PRDM16: variants seen among roughly 807,000 people sequenced by gnomAD.
The protein encoded by PRDM16 is histone-lysine N-methyltransferase PRDM16.
PRDM16 carries 23 observed loss-of-function variants against 110.6 expected under a neutral mutation model. The ratio of observed to expected loss-of-function variants is 0.21; its 90% CI spans 0.15 to 0.29. The LOEUF (loss-of-function observed/expected upper bound fraction) is 0.29. PRDM16 is among the 10% of genes least tolerant of loss of function. PRDM16 has a pLI of 1.00. For missense variants in PRDM16, 1,615 were observed against 1,794.3 expected (o/e 0.90, Z 1.81); for synonymous variants, 799 against 781.8 (o/e 1.02, Z -0.37).
rs188020429 is a variant in PRDM16, at chr1:3,401,325, G to A, written c.677-1466G>A. ...TCTGCCCCCATCCCCCCGTCTCCGC[G>A]GCAATCCTTAGGTTCAGGCCTTTGA... On this transcript the variant is annotated intron_variant, in intron 5 of 16. Transcript: ENST00000270722. Among the ~76,000 whole-genome samples the A allele has an allele frequency of 2.8e-3, 419 of 152,272 alleles. 4 individuals are homozygous for A. The highest frequency in any genetic ancestry group is 2.1e-3 in the Non-Finnish European group (144 of 68,024).
chr1:3,130,321 G>A (rs367805902), intron 1 of PRDM16, among the ~76,000 whole-genome samples: 2 of 152,202 alleles, frequency 1.3e-5, no homozygotes, highest in Admixed American at 1.3e-4. Context: ...TGGTCTAAGC[G>A]CACCACTGTG....
intron 1 of PRDM16, among the ~76,000 whole-genome samples, chr1:3,123,036 C>G (rs1389988304): frequency 6.6e-6 from 1 of 152,152 alleles, no homozygotes; most frequent in Non-Finnish European, 1.5e-5. Flanking sequence ...CTTGATTTCA[C>G]CAGGTCCTGG....
chr1:3,320,612 A>G (rs1307534505), intron 3 of PRDM16, among the ~76,000 whole-genome samples: 1 of 152,208 alleles, frequency 6.6e-6, no homozygotes, highest in African/African-American at 2.4e-5. Flanking sequence ...GGAATCAACA[A>G]TGTGGACCTG....
Position 3,069,548 on chromosome 1 carries a change from C to T in PRDM16, c.37+252C>T, listed in dbSNP as rs1641693555. On this transcript the variant is annotated intron_variant, in intron 1 of 16. Coordinates refer to ENST00000270722, the MANE Select transcript of PRDM16 (RefSeq NM_022114.4). The surrounding 1 kb of genome is among the most constrained non-coding windows in gnomAD (Gnocchi z 6.1). Reference sequence around the variant, plus strand: ...CCCCCTCCCCGCGGAACCCCCTCCCCCCCCACCAGTGTCAGGCGCTCGGGC... The same window carrying T: ...CCCCCTCCCCGCGGAACCCCCTCCCTCCCCACCAGTGTCAGGCGCTCGGGC... Among the ~76,000 whole-genome samples the T allele has an allele frequency of 1.3e-5, 2 of 149,164 alleles. No homozygotes were observed. Among genetic ancestry groups the T allele is most frequent in the African/African-American group, 4.9e-5 (2 of 41,094 alleles).
chr1:3,286,211 G>A (rs1034062015), intron 3 of PRDM16, among the ~76,000 whole-genome samples: 3 of 152,216 alleles, frequency 2.0e-5, no homozygotes, highest in Non-Finnish European at 4.4e-5. Flanking sequence ...CCCAGTAATT[G>A]AATCAAGTTG....
In PRDM16 at chr1:3,425,762, G is replaced by A. The variant is rs200643126; in HGVS notation, c.3109+12G>A. 9.8e-5 allele frequency: 158 copies of A among 1,612,954 alleles called. No homozygotes were observed. The highest frequency in any genetic ancestry group is 6.7e-5 in the African/African-American group (5 of 75,032). ...CGAGAACGCACCAGGTGGGCCACGC[G>A]GGGTGGGGCAGCCCCCAGAGCACCC... On this transcript the variant is annotated intron_variant, in intron 13 of 16. Transcript: ENST00000270722. This position sits in a 1 kb window ranked among gnomAD's most constrained non-coding sequence, Gnocchi z 6.9.
intron 1 of PRDM16, among the ~76,000 whole-genome samples, chr1:3,147,099 T>G (rs1247547954): frequency 1.5e-5 from 2 of 137,874 alleles, no homozygotes; most frequent in Admixed American, 7.2e-5. Context: ...CGGTGTGGGG[T>G]GTGTGTACGC....
At chr1:3,131,039 T>C (rs1263809142) in intron 1 of PRDM16, among the ~76,000 whole-genome samples, 2 of 152,096 alleles carry the variant, frequency 1.3e-5, no homozygotes, top group Non-Finnish European at 2.9e-5. Context: ...TTGAACCGGG[T>C]CCTGCAGGGA....
chr1:3,281,073 C>T (rs944449272), intron 3 of PRDM16, among the ~76,000 whole-genome samples: 3 of 152,244 alleles, frequency 2.0e-5, no homozygotes, highest in East Asian at 3.9e-4. Context: ...CCTGTCCAGC[C>T]TCAGCCCACT....
At position 3,069,277 on chromosome 1, in the gene PRDM16, G is replaced by A. The variant is rs781494426; in HGVS notation, c.18G>A (p.Arg6=). 4 of 1,559,766 alleles carry A rather than the reference G, an allele frequency of 2.6e-6. No individual in the cohort carries two copies. The highest frequency in any genetic ancestry group is 2.3e-5 in the South Asian group (2 of 86,000). The change falls in exon 1 of 17, where the codon AGG becomes AGA. Residue 6 remains arginine, a synonymous_variant. Coordinates refer to ENST00000270722, the MANE Select transcript of PRDM16 (RefSeq NM_022114.4). This position sits in a 1 kb window ranked among gnomAD's most constrained non-coding sequence, Gnocchi z 6.1. MRSKA[R]ARKLAKSDGD... is the part of the protein sequence containing the mutation. The stretch of plus-strand genomic sequence containing the variant: ...CCGACACCATGCGATCCAAGGCGAG[G>A]GCGAGGAAGCTAGCCAAAAGTAAGT...
In PRDM16 at chr1:3,411,296, G is replaced by A. The variant is rs1454445202; in HGVS notation, c.1187-88G>A. The A allele has an allele frequency of 3.5e-6, 5 of 1,435,644 alleles. No individual in the cohort carries two copies. The East Asian group carries it at 7.0e-5, about 20-fold the overall frequency. 88.9% of individuals were successfully genotyped at this position (1,435,644 alleles called of 1,614,324 possible). On this transcript the variant is annotated intron_variant, in intron 8 of 16. Coordinates refer to ENST00000270722, the MANE Select transcript of PRDM16 (RefSeq NM_022114.4). ...CCCCAGCCTCGCCCCTCCAGCGGCT[G>A]GCTTTCCCAGTAATTTCATGTGGCG...
intron 3 of PRDM16, among the ~76,000 whole-genome samples, chr1:3,289,012 A>C (rs1489765598): frequency 6.6e-6 from 1 of 152,168 alleles, no homozygotes; most frequent in Non-Finnish European, 1.5e-5. Flanking sequence ...GCCTAGGGGC[A>C]GGGGAACTTG....
intron 14 of PRDM16, among the ~76,000 whole-genome samples, chr1:3,426,964 A>G (rs1252030515): frequency 9.6e-6 from 1 of 103,866 alleles, no homozygotes; most frequent in Non-Finnish European, 2.2e-5. Flanking sequence ...ATGTGCGTGC[A>G]TAAACATGCC....
chr1:3,127,683 A>AC (rs984097592), intron 1 of PRDM16, among the ~76,000 whole-genome samples: 56 of 151,938 alleles, frequency 3.7e-4, no homozygotes, highest in Admixed American at 2.6e-3. Flanking sequence ...GTTGAGAGGG[A>AC]CCCCCCTGGG....
At chr1:3,140,066 G>A (rs1643517160) in intron 1 of PRDM16, among the ~76,000 whole-genome samples, 1 of 152,256 alleles carries the variant, frequency 6.6e-6, no homozygotes, top group Non-Finnish European at 1.5e-5. Flanking sequence ...AAAGTCACGA[G>A]CGAGACTGGC....
At chr1:3,229,709 G>C (rs1639363715) in intron 2 of PRDM16, among the ~76,000 whole-genome samples, 1 of 152,126 alleles carries the variant, frequency 6.6e-6, no homozygotes, top group South Asian at 2.1e-4. Context: ...GAAACCTTAA[G>C]GGTCTCTTTC....
At chr1:3,087,069 C>T (rs911620695) in intron 1 of PRDM16, among the ~76,000 whole-genome samples, 4 of 152,194 alleles carry the variant, frequency 2.6e-5, no homozygotes, top group Non-Finnish European at 5.9e-5. Flanking sequence ...AAACGCTGCA[C>T]GTGCTGCCGG....
chr1:3,150,716 C>T (rs918641828), intron 1 of PRDM16, among the ~76,000 whole-genome samples: 14 of 152,052 alleles, frequency 9.2e-5, no homozygotes, highest in South Asian at 4.2e-4. Context: ...CATTTAGACT[C>T]GAGCTTCAAA....
At chr1:3,256,124 G>A (rs1179662550) in intron 3 of PRDM16, among the ~76,000 whole-genome samples, 1 of 152,234 alleles carries the variant, frequency 6.6e-6, no homozygotes, top group African/African-American at 2.4e-5. Context: ...GAGGGACGAG[G>A]AGAGGAGACA....
Sources: allele counts gnomAD v4.1 joint callset (sites outside exome capture counted in the v4.1 genomes callset), GRCh38; gene constraint gnomAD v4.1.1; non-coding constraint Gnocchi (gnomAD v3.1); transcripts MANE v1.5; gene names NCBI Gene and HGNC (gene_info 2026-07-23, HGNC 2026-07-21).